GRB7: variants seen among roughly 807,000 people sequenced by gnomAD.
GRB7 encodes growth factor receptor bound protein 7.
In GRB7, 47 loss-of-function variants were observed where a neutral mutation model predicts 64.1. The observed-to-expected ratio is 0.73, with a 90% CI of 0.58 to 0.94. The LOEUF is 0.94. Ranked by LOEUF, GRB7 falls within the 40% of genes least tolerant of loss-of-function variation. The pLI, the probability that GRB7 is intolerant of heterozygous loss-of-function variation, is 0.00. For synonymous variants in GRB7, 277 were observed against 279.9 expected (o/e 0.99, Z 0.10); for missense variants, 634 against 718.4 (o/e 0.88, Z 1.34).
chr17:39,747,135 C>T lies in GRB7; in HGVS notation c.*238C>T. 1 of 548,676 alleles carries T rather than the reference C, an allele frequency of 1.8e-6. No individual in the cohort carries two copies. Among genetic ancestry groups the T allele is most frequent in the South Asian group, 2.5e-5 (1 of 40,148 alleles). 34.0% of individuals were successfully genotyped at this position (548,676 alleles called of 1,614,324 possible). On this transcript the variant is annotated 3_prime_UTR_variant, in exon 15 of 15. Transcript: ENST00000309156. ...CCTTGGGTGGCCCCCTCTCCTTCTCCTAGCTCTGGAGGTGCTGCTCTAGGG... is the reference window on the plus strand; with the variant it reads ...CCTTGGGTGGCCCCCTCTCCTTCTCTTAGCTCTGGAGGTGCTGCTCTAGGG...
Position 39,746,956 on chromosome 17 carries a change from C to T in GRB7, c.*59C>T, listed in dbSNP as rs2143436555. ...CTTCAGGCTGCCCGCCGCCCCTCCA[C>T]CCATCCAGTGGACTCTGGGGCGCGG... On this transcript the variant is annotated 3_prime_UTR_variant, in exon 15 of 15. Coordinates refer to ENST00000309156, the MANE Select transcript of GRB7 (RefSeq NM_005310.5). 1.9e-6 allele frequency: 3 copies of T among 1,553,918 alleles called. No homozygotes were observed. The highest frequency in any genetic ancestry group is 2.3e-5 in the East Asian group (1 of 43,954).
intron 1 of GRB7, among the ~76,000 whole-genome samples, chr17:39,739,496 G>A (rs1452861294): frequency 6.6e-6 from 1 of 152,224 alleles, no homozygotes; most frequent in African/African-American, 2.4e-5. Flanking sequence ...TCTCCCGTGG[G>A]GGCGGGGCGT....
At position 39,745,969 on chromosome 17, in the gene GRB7, C is replaced by T. The variant is rs761698578; in HGVS notation, c.1327C>T (p.Arg443Trp). 1.9e-6 allele frequency: 3 copies of T among 1,614,050 alleles called. No individual in the cohort carries two copies. The highest frequency in any genetic ancestry group is 1.7e-6 in the Non-Finnish European group (2 of 1,179,950). ...HGRISREESQ[R>W]LIGQQGLVDG... is the part of the protein sequence containing the mutation. ...GCGCATTTCCCGTGAGGAGAGCCAG[C>T]GGCTTATTGGACAGCAGGGCTTGGT... The change falls in exon 13 of 15, where the codon CGG becomes TGG. Residue 443 changes from arginine (R) to tryptophan (W), a missense_variant. This residue lies in a region of GRB7 where 467 missense variants were observed against 576.6 expected (regional missense o/e 0.81). Transcript: ENST00000309156.
At position 39,744,985 on chromosome 17, in the gene GRB7, GT is replaced by G. The variant is rs1457166046; in HGVS notation, c.1011+2del. On this transcript the variant is annotated splice_donor_variant, in intron 9 of 14. Transcript: ENST00000309156. LOFTEE classifies it high-confidence loss of function. ...GCTGGCTGCCTTCCGCCTCTTCAAGGTGAGACCCTGGGAGTGGCATGGGGGG... is the reference window on the plus strand; with the variant it reads ...GCTGGCTGCCTTCCGCCTCTTCAAGGGAGACCCTGGGAGTGGCATGGGGGG... The G allele has an allele frequency of 6.2e-7, 1 of 1,611,880 alleles. No homozygotes were observed. The highest frequency in any genetic ancestry group is 8.5e-7 in the Non-Finnish European group (1 of 1,178,502).
intron 2 of GRB7, 50 bp downstream of exon 2, chr17:39,742,506 G>C: frequency 6.2e-7 from 1 of 1,612,986 alleles, no homozygotes; most frequent in Non-Finnish European, 8.5e-7. Flanking sequence ...ATAATACACA[G>C]AGGCTTGCAG....
chr17:39,745,707 G>A lies in GRB7; in HGVS notation c.1210-21G>A, dbSNP rs146131691. 368 of 1,612,428 alleles carry A rather than the reference G, an allele frequency of 2.3e-4. No homozygotes were observed. The Middle Eastern group carries it at 5.1e-3, about 22-fold the overall frequency. The stretch of plus-strand genomic sequence containing the variant: ...CCCCCAAGCACGCCCCGACTCTCCC[G>A]TATCTCCCACTGCTCCACAGAAGAA... On this transcript the variant is annotated intron_variant, in intron 11 of 14. Transcript: ENST00000309156.
Position 39,745,235 on chromosome 17 carries a change from A to AC in GRB7, c.1012-3dup. The AC allele has an allele frequency of 2.5e-6, 4 of 1,585,016 alleles. No individual in the cohort carries two copies. Among genetic ancestry groups the AC allele is most frequent in the Middle Eastern group, 1.7e-4 (1 of 5,928 alleles). On this transcript the variant is annotated splice_polypyrimidine_tract_variant and splice_region_variant and intron_variant, in intron 9 of 14. Transcript: ENST00000309156. ...GACCTCAAGCTCTCTTTCTCTCCCCACCCCCAGTACGGGGTGCAGCTGTAC... is the reference window on the plus strand; with the variant it reads ...GACCTCAAGCTCTCTTTCTCTCCCCACCCCCCAGTACGGGGTGCAGCTGTAC...
intron 7 of GRB7, 140 bp downstream of exon 7, chr17:39,744,347 C>A: frequency 1.9e-6 from 2 of 1,062,168 alleles, no homozygotes; most frequent in Middle Eastern, 5.7e-4. Flanking sequence ...TCTCTCCCTA[C>A]ATCCTTGCCT....
chr17:39,742,448 C>T lies in GRB7; in HGVS notation c.147C>T (p.Thr49=). Residue 49 remains threonine (T), a synonymous_variant, in exon 2 of 15, where the codon ACC becomes ACT. Coordinates refer to ENST00000309156, the MANE Select transcript of GRB7 (RefSeq NM_005310.5). ...VKRSQPLLIP[T]TGRKLREEER... is the part of the protein sequence containing the mutation. ...GGTCCCAGCCTCTCCTCATCCCAAC[C>T]ACCGGCAGGTACGATGGGGCGTGGG... The T allele has an allele frequency of 6.2e-7, 1 of 1,613,896 alleles. No individual in the cohort carries two copies.
chr17:39,741,261 G>C (rs1206606115), intron 1 of GRB7, among the ~76,000 whole-genome samples: 2 of 152,184 alleles, frequency 1.3e-5, no homozygotes, highest in South Asian at 4.1e-4. Flanking sequence ...TGGAAGGCCA[G>C]GAAGGCTTCT....
In GRB7 at chr17:39,746,216, C is replaced by T. The variant is rs750711191; in HGVS notation, c.1452+14C>T. 32 of 1,604,448 alleles carry T rather than the reference C, an allele frequency of 2.0e-5. No homozygotes were observed. The highest frequency in any genetic ancestry group is 3.3e-5 in the Admixed American group (2 of 59,988). The stretch of plus-strand genomic sequence containing the variant: ...CTCATCCTGCCGGTGAGCTTCCCTG[C>T]GTCCCCGGAGTCCTGCAATGAGACA... On this transcript the variant is annotated intron_variant, in intron 14 of 14. Coordinates refer to ENST00000309156, the MANE Select transcript of GRB7 (RefSeq NM_005310.5).
Position 39,744,194 on chromosome 17 carries a change from A to G in GRB7, c.788A>G (p.Lys263Arg), listed in dbSNP as rs758320175. The G allele has an allele frequency of 3.5e-5, 57 of 1,613,828 alleles. No individual in the cohort carries two copies. The highest frequency in any genetic ancestry group is 4.8e-5 in the Non-Finnish European group (57 of 1,180,006). Residue 263 changes from lysine (K) to arginine (R), a missense_variant, in exon 7 of 15, where the codon AAG becomes AGG. Around this residue, in one of 2 missense-constraint regions of GRB7, gnomAD observed 467 missense variants for 576.6 expected, o/e 0.81. Coordinates refer to ENST00000309156, the MANE Select transcript of GRB7 (RefSeq NM_005310.5). ...CGATCTGGCCTCTATTACTCCACCAAGGGCACCTCTAAGGTAAGGTCTTGA... is the reference window on the plus strand; with the variant it reads ...CGATCTGGCCTCTATTACTCCACCAGGGGCACCTCTAAGGTAAGGTCTTGA... ...LRRSGLYYST[K>R]GTSKDPRHLQ... is the part of the protein sequence containing the mutation.
In GRB7 at chr17:39,746,115, C is replaced by T; in HGVS notation, c.1365C>T (p.Phe455=). 1 of 1,614,080 alleles carries T rather than the reference C, an allele frequency of 6.2e-7. No individual in the cohort carries two copies. Among genetic ancestry groups the T allele is most frequent in the South Asian group, 1.1e-5 (1 of 91,086 alleles). The stretch of plus-strand genomic sequence containing the variant: ...ATCTCCTGTCTTCTGGCAGCCTGTT[C>T]CTGGTCCGGGAGAGTCAGCGGAACC... ...IGQQGLVDGL[F]LVRESQRNPQ... is the part of the protein sequence containing the mutation. The change falls in exon 14 of 15, where the codon TTC becomes TTT. Residue 455 remains phenylalanine, a synonymous_variant. Coordinates refer to ENST00000309156, the MANE Select transcript of GRB7 (RefSeq NM_005310.5).
intron 6 of GRB7, chr17:39,743,685 T>C (rs2060017157): frequency 3.3e-6 from 2 of 604,376 alleles, no homozygotes; most frequent in Non-Finnish European, 5.9e-6. Context: ...TGTAAAAACC[T>C]GAGGGTGGGC....
intron 6 of GRB7, chr17:39,743,671 T>C: frequency 1.6e-6 from 1 of 611,270 alleles, no homozygotes; most frequent in South Asian, 2.0e-5. Flanking sequence ...GTGGAGCATT[T>C]CCTTGTAAAA....
chr17:39,743,475 G>C lies in GRB7; in HGVS notation c.663+5G>C, dbSNP rs1308476063. ...TCCCATGAAGACCTCATCCAGGTGG[G>C]GGGACCCCCCATTTCACTGCAGATT... is the stretch of plus-strand genomic sequence containing the variant. On this transcript the variant is annotated splice_donor_5th_base_variant and intron_variant, in intron 6 of 14. Transcript: ENST00000309156. The C allele has an allele frequency of 6.2e-7, 1 of 1,613,262 alleles. No homozygotes were observed. The highest frequency in any genetic ancestry group is 8.5e-7 in the Non-Finnish European group (1 of 1,179,276).
At chr17:39,744,506 T>C (rs1281259657) in intron 7 of GRB7, 47 bp from the exon 8 acceptor site, 1 of 1,473,654 alleles carries the variant, frequency 6.8e-7, no homozygotes, top group East Asian at 2.4e-5. Context: ...GAGGTAATAG[T>C]GGGCGGGATC....
Position 39,744,218 on chromosome 17 carries a change from G to A in GRB7, c.801+11G>A. On this transcript the variant is annotated intron_variant, in intron 7 of 14. Transcript: ENST00000309156. ...AAGGGCACCTCTAAGGTAAGGTCTT[G>A]AGGGTACCAGCCCCAGCCCCTCCAG... 1 of 1,613,446 alleles carries A rather than the reference G, an allele frequency of 6.2e-7. No individual in the cohort carries two copies. The highest frequency in any genetic ancestry group is 8.5e-7 in the Non-Finnish European group (1 of 1,179,960).
At chr17:39,739,078 T>C in intron 1 of GRB7, 1 of 586,892 alleles carries the variant, frequency 1.7e-6, no homozygotes. Context: ...GAGACCCAGG[T>C]TCCCGGTCTG....
Sources: gnomAD v4.1 joint callset for allele counts (sites outside exome capture counted in the v4.1 genomes callset) on GRCh38, gnomAD v4.1.1 for gene constraint, gnomAD v4.1.1 regional missense constraint, MANE v1.5 for transcripts, NCBI Gene and HGNC (gene_info 2026-07-23, HGNC 2026-07-21) for gene names.